The following DCLK2 variants were observed in gnomAD, a reference collection of about 807,000 sequenced individuals.
DCLK2 encodes doublecortin like kinase 2.
DCLK2 carries 31 observed loss-of-function variants against 78.4 expected under a neutral mutation model. The observed-to-expected ratio is 0.40, with a 90% confidence interval of 0.30 to 0.53. DCLK2 has a LOEUF of 0.53. Ranked by LOEUF, DCLK2 falls within the 20% of genes least tolerant of loss-of-function variation. The pLI, the probability that DCLK2 is intolerant of heterozygous loss-of-function variation, is 0.61. For synonymous variants in DCLK2, 407 were observed against 374.9 expected, an observed-to-expected ratio of 1.09 and a Z score of -0.99; for missense variants, 872 against 973.7, an observed-to-expected ratio of 0.90 and a Z score of 1.39.
At chr4:150,253,218 A>G in intron 15 of DCLK2, 1 of 516,470 alleles carries the variant, frequency 1.9e-6, no homozygotes, top group South Asian at 1.4e-5. Context: ...TGGTACTCAT[A>G]GGTCCTCATA....
intron 1 of DCLK2, among the ~76,000 whole-genome samples, chr4:150,086,571 A>G (rs368549708): frequency 4.6e-5 from 7 of 150,878 alleles, no homozygotes; most frequent in African/African-American, 1.7e-4. Flanking sequence ...CAGTGGCGCA[A>G]TCTCGGCTGA....
chr4:150,232,281 C>G, intron 8 of DCLK2, 56 bp from the exon 9 acceptor site: 2 of 1,584,286 alleles, frequency 1.3e-6, no homozygotes, highest in Non-Finnish European at 1.7e-6. Context: ...TCCAGGCCTT[C>G]GAGAGCAGAG....
intron 15 of DCLK2, among the ~76,000 whole-genome samples, chr4:150,251,848 C>G (rs1432604536): frequency 6.6e-6 from 1 of 151,052 alleles, no homozygotes; most frequent in Admixed American, 6.6e-5. Flanking sequence ...CCGTCATTCT[C>G]TTCTGTCCCC....
At chr4:150,162,764 C>T (rs1735791403) in intron 2 of DCLK2, among the ~76,000 whole-genome samples, 1 of 152,100 alleles carries the variant, frequency 6.6e-6, no homozygotes, top group Non-Finnish European at 1.5e-5. Context: ...AGCACTGTGC[C>T]CAGCCTAAGT....
intron 2 of DCLK2, among the ~76,000 whole-genome samples, chr4:150,151,066 G>A (rs1204350390): frequency 2.0e-5 from 3 of 151,994 alleles, no homozygotes; most frequent in Admixed American, 6.6e-5. Flanking sequence ...CACATCCCAG[G>A]CGTCAGACCT....
chr4:150,145,686 G>A (rs1734421709), intron 2 of DCLK2, among the ~76,000 whole-genome samples: 1 of 152,162 alleles, frequency 6.6e-6, no homozygotes, highest in South Asian at 2.1e-4. Flanking sequence ...ATTTAAGGAG[G>A]TAGGTTGCCT....
rs969046132 is a variant in DCLK2 at position 150,168,373 on chromosome 4, G to A, written c.757-24765G>A. Among the ~76,000 whole-genome samples, 37 of 150,992 alleles carry A rather than the reference G, an allele frequency of 2.5e-4. 1 individual carries two copies. Among genetic ancestry groups the A allele is most frequent in the Non-Finnish European group, 2.2e-4 (15 of 67,860 alleles). On this transcript the variant is annotated intron_variant, in intron 2 of 15. Coordinates refer to ENST00000296550, the MANE Select transcript of DCLK2 (RefSeq NM_001040260.4). ...AAAAAAAAAAAAAACCCAAGTCAGAGGTCAAACTGTGCACTTGATCTCTCA... is the reference window on the plus strand; with the variant it reads ...AAAAAAAAAAAAAACCCAAGTCAGAAGTCAAACTGTGCACTTGATCTCTCA...
chr4:150,250,090 G>A (rs1050256519), intron 15 of DCLK2, among the ~76,000 whole-genome samples: 3 of 152,158 alleles, frequency 2.0e-5, no homozygotes, highest in Non-Finnish European at 4.4e-5. Flanking sequence ...TGAGACTTGG[G>A]ATAAGAAACA....
intron 8 of DCLK2, among the ~76,000 whole-genome samples, chr4:150,227,173 G>A (rs1284533841): frequency 6.6e-6 from 1 of 152,146 alleles, no homozygotes; most frequent in East Asian, 1.9e-4. Context: ...CTGTACATTG[G>A]CTGATCTACT....
chr4:150,227,964 G>A (rs1194651006), intron 8 of DCLK2, among the ~76,000 whole-genome samples: 1 of 152,154 alleles, frequency 6.6e-6, no homozygotes, highest in Non-Finnish European at 1.5e-5. Flanking sequence ...CTGAGAGTCC[G>A]AAATCCATGC....
At chr4:150,168,879 T>C (rs28549386) in intron 2 of DCLK2, among the ~76,000 whole-genome samples, 50,657 of 152,006 alleles carry the variant, frequency 0.33, 9,037 homozygotes, top group African/African-American at 0.47. Context: ...AGCTCAGTTT[T>C]CCCAAGGTGA....
chr4:150,227,258 A>G (rs1741691827), intron 8 of DCLK2, among the ~76,000 whole-genome samples: 1 of 152,106 alleles, frequency 6.6e-6, no homozygotes, highest in Admixed American at 6.5e-5. Context: ...ACTCTCCCTC[A>G]CCTTCTGTTT....
intron 2 of DCLK2, among the ~76,000 whole-genome samples, chr4:150,187,547 A>T (rs1387152939): frequency 2.0e-5 from 3 of 151,586 alleles, no homozygotes; most frequent in African/African-American, 4.9e-5. Context: ...TGCATTCACT[A>T]CTCCCCTTCT....
intron 3 of DCLK2, among the ~76,000 whole-genome samples, chr4:150,193,620 GT>G (rs1738640842): frequency 6.6e-6 from 1 of 152,130 alleles, no homozygotes; most frequent in African/African-American, 2.4e-5. Context: ...GAAACAATTA[GT>G]CATCCATTTT....
chr4:150,148,699 A>C (rs1734656631), intron 2 of DCLK2, among the ~76,000 whole-genome samples: 1 of 151,982 alleles, frequency 6.6e-6, no homozygotes. Flanking sequence ...TATGACCTAC[A>C]TCTAAATATA....
At chr4:150,157,994 C>T (rs1735439201) in intron 2 of DCLK2, among the ~76,000 whole-genome samples, 2 of 152,218 alleles carry the variant, frequency 1.3e-5, no homozygotes, top group Admixed American at 1.3e-4. Context: ...GGCCACAAAT[C>T]ATTGTAATAT....
At chr4:150,230,579 G>A (rs112442799) in intron 8 of DCLK2, among the ~76,000 whole-genome samples, 2 of 152,308 alleles carry the variant, frequency 1.3e-5, no homozygotes, top group African/African-American at 4.8e-5. Context: ...AAATTGATGT[G>A]CTTGCTTATA....
intron 2 of DCLK2, among the ~76,000 whole-genome samples, chr4:150,111,285 CTT>C (rs1396077071): frequency 4.6e-5 from 7 of 151,978 alleles, no homozygotes; most frequent in Non-Finnish European, 7.4e-5. Context: ...TTGTATATCT[CTT>C]TTAAAAATAT....
chr4:150,238,200 T>G (rs1485033050), intron 10 of DCLK2, among the ~76,000 whole-genome samples: 1 of 152,170 alleles, frequency 6.6e-6, no homozygotes, highest in East Asian at 1.9e-4. Context: ...TTTTGAGTAT[T>G]TTATATGTAA....
Sources: gnomAD v4.1 joint callset for allele counts (sites outside exome capture counted in the v4.1 genomes callset) on GRCh38, gnomAD v4.1.1 for gene constraint, MANE v1.5 for transcripts, NCBI Gene and HGNC (gene_info 2026-07-23, HGNC 2026-07-21) for gene names.